The following GIMAP1 variants were observed in gnomAD, a reference collection of about 807,000 sequenced individuals.
GIMAP1 encodes GTPase IMAP family member 1.
For synonymous variants in GIMAP1, 230 were observed against 187.7 expected, an observed-to-expected ratio of 1.23 and a Z score of -1.84; for missense variants, 423 against 411.9, an observed-to-expected ratio of 1.03 and a Z score of -0.23.
intron 1 of GIMAP1, among the ~76,000 whole-genome samples, chr7:150,717,059 T>C (rs1797227152): frequency 6.6e-6 from 1 of 152,202 alleles, no homozygotes; most frequent in Admixed American, 6.5e-5. Context: ...AAGATATTTC[T>C]ATGGCCCCAT....
chr7:150,719,387 A>C, intron 2 of GIMAP1: 1 of 358,602 alleles, frequency 2.8e-6, no homozygotes, highest in Non-Finnish European at 5.0e-6. Context: ...AGTGAACATG[A>C]TTTGTGAGGT....
chr7:150,720,454 C>T lies in GIMAP1; in HGVS notation c.450C>T (p.Val150=). Residue 150 remains valine, a synonymous_variant, in exon 3 of 3, where the codon GTC becomes GTT. Transcript: ENST00000307194. This position sits in a 1 kb window ranked among gnomAD's most constrained non-coding sequence, Gnocchi z 4.5. ...ACGTCCTAAAATGGATGGTCATCGT[C>T]TTCACCAGGAAGGAGGACCTGGCCG... is the stretch of plus-strand genomic sequence containing the variant. ...GEDVLKWMVI[V]FTRKEDLAGG... The T allele has an allele frequency of 2.5e-6, 4 of 1,572,674 alleles. No homozygotes were observed. Among genetic ancestry groups the T allele is most frequent in the Non-Finnish European group, 3.5e-6 (4 of 1,158,226 alleles).
rs1000745605 is a variant in GIMAP1, at chr7:150,720,908, G to A, written c.904G>A (p.Glu302Lys). ...LHRRWSEAVA[E>K]VGPD ...CAGGCGGTGGTCGGAGGCCGTTGCG[G>A]AGGTCGGGCCTGACTGACAGCGCAG... Residue 302 changes from glutamate (E) to lysine (K), a missense_variant, in exon 3 of 3, where the codon GAG (glutamate) becomes AAG (lysine). Glu to Lys is a moderately conservative substitution (Grantham distance 56). Coordinates refer to ENST00000307194, the MANE Select transcript of GIMAP1 (RefSeq NM_130759.4). This position sits in a 1 kb window ranked among gnomAD's most constrained non-coding sequence, Gnocchi z 4.5. The A allele has an allele frequency of 6.3e-7, 1 of 1,579,172 alleles. No individual in the cohort carries two copies. Among genetic ancestry groups the A allele is most frequent in the Non-Finnish European group, 8.6e-7 (1 of 1,168,672 alleles).
chr7:150,719,245 G>A, intron 2 of GIMAP1, 155 bp downstream of exon 2: 1 of 863,830 alleles, frequency 1.2e-6, no homozygotes, highest in Non-Finnish European at 1.8e-6. Context: ...CTGCATTTTA[G>A]CTGGATCTCT....
In GIMAP1 at chr7:150,720,245, G is replaced by A. The variant is rs201983958; in HGVS notation, c.241G>A (p.Val81Met). 9.3e-6 allele frequency: 15 copies of A among 1,614,094 alleles called. No individual in the cohort carries two copies. The highest frequency in any genetic ancestry group is 1.0e-5 in the Non-Finnish European group (12 of 1,180,058). The change falls in exon 3 of 3, where the codon GTG (valine) becomes ATG (methionine). Residue 81 changes from valine (V) to methionine (M), a missense_variant. Coordinates refer to ENST00000307194, the MANE Select transcript of GIMAP1 (RefSeq NM_130759.4). The surrounding 1 kb of genome is among the most constrained non-coding windows in gnomAD (Gnocchi z 4.5). ...GTGGGACAAGTGCCACGTGGAAGTC[G>A]TGGACACTCCGGACATTTTCAGCTC... ...RRWDKCHVEV[V>M]DTPDIFSSQV... is the part of the protein sequence containing the mutation.
At chr7:150,718,004 G>A (rs1404258119) in intron 1 of GIMAP1, among the ~76,000 whole-genome samples, 1 of 152,104 alleles carries the variant, frequency 6.6e-6, no homozygotes, top group Non-Finnish European at 1.5e-5. Context: ...AAGTGACCAG[G>A]GTGCAAGACA....
At position 150,720,077 on chromosome 7, in the gene GIMAP1, G is replaced by C. The variant is rs1043834348; in HGVS notation, c.73G>C (p.Glu25Gln). 2 of 1,611,150 alleles carry C rather than the reference G, an allele frequency of 1.2e-6. No homozygotes were observed. The highest frequency in any genetic ancestry group is 2.7e-5 in the African/African-American group (2 of 75,038). Residue 25 changes from glutamate (E) to glutamine (Q), a missense_variant, in exon 3 of 3, where the codon GAG becomes CAG. Glu to Gln is a conservative substitution (Grantham distance 29, BLOSUM62 2). Transcript: ENST00000307194. This position sits in a 1 kb window ranked among gnomAD's most constrained non-coding sequence, Gnocchi z 4.5. The part of the protein sequence containing the change: ...GLEENAQSRQ[E>Q]STRRLILVGR... ...AGAAGAGAACGCTCAGTCCCGGCAG[G>C]AGTCCACGCGGAGGCTCATCCTTGT...
Position 150,721,027 on chromosome 7 carries a change from G to A in GIMAP1, c.*102G>A. 8.6e-7 allele frequency: 1 copy of A among 1,158,936 alleles called. No homozygotes were observed. Among genetic ancestry groups the A allele is most frequent in the Non-Finnish European group, 1.2e-6 (1 of 866,218 alleles). The allele number at this position is 1,158,936 out of a possible 1,614,324, so 71.8% of individuals were successfully genotyped here. A position where few individuals can be genotyped will look rare whatever the true frequency, so the allele number is the denominator to read the frequency against. On this transcript the variant is annotated 3_prime_UTR_variant, in exon 3 of 3. Coordinates refer to ENST00000307194, the MANE Select transcript of GIMAP1 (RefSeq NM_130759.4). ...CAACGGAAGGAATCCTGTAGTTTCA[G>A]GCATAGTTTTAATGACACAGAAAAC...
intron 1 of GIMAP1, among the ~76,000 whole-genome samples, chr7:150,718,565 A>T (rs754213384): frequency 1.3e-5 from 2 of 152,156 alleles, no homozygotes; most frequent in Non-Finnish European, 2.9e-5. Flanking sequence ...GAATCCCCTG[A>T]TATCTCTAGC....
At chr7:150,719,910 A>G (rs1165346016) in intron 2 of GIMAP1, 138 bp from the exon 3 acceptor site, 2 of 1,214,968 alleles carry the variant, frequency 1.6e-6, no homozygotes, top group Non-Finnish European at 2.3e-6. Context: ...CAACCCAAAT[A>G]CAAAAGGAAA....
rs774189459 is a variant in GIMAP1, at chr7:150,720,725, C to G, written c.721C>G (p.Arg241Gly). ...LRWAGPEERL[R>G]RVAERVAARV... ...CTGGGCAGGCCCTGAGGAGCGGCTC[C>G]GGCGGGTGGCGGAGCGCGTGGCAGC... Residue 241 changes from arginine to glycine, a missense_variant, in exon 3 of 3, where the codon CGG becomes GGG. By Grantham distance (125) the Arg-to-Gly change is moderately radical (BLOSUM62 -2). Transcript: ENST00000307194. This position sits in a 1 kb window ranked among gnomAD's most constrained non-coding sequence, Gnocchi z 4.5. 1 of 1,569,002 alleles carries G rather than the reference C, an allele frequency of 6.4e-7. No individual in the cohort carries two copies. Among genetic ancestry groups the G allele is most frequent in the Non-Finnish European group, 8.6e-7 (1 of 1,157,286 alleles).
At chr7:150,717,296 T>C (rs1405485571) in intron 1 of GIMAP1, among the ~76,000 whole-genome samples, 4 of 152,002 alleles carry the variant, frequency 2.6e-5, no homozygotes, top group African/African-American at 9.7e-5. Context: ...ATAAAGGGGG[T>C]TGCAAAAATG....
rs549321304 is a variant in GIMAP1 at position 150,720,598 on chromosome 7, A to C, written c.594A>C (p.Glu198Asp). ...FDNRATGREQEAQVEQLLGMV... is the reference protein window; with the variant it reads ...FDNRATGREQDAQVEQLLGMV... The stretch of plus-strand genomic sequence containing the variant: ...ACCGGGCCACCGGCCGGGAGCAGGA[A>C]GCCCAGGTGGAGCAGCTGCTGGGGA... The change falls in exon 3 of 3, where the codon GAA becomes GAC. Residue 198 changes from glutamate (E) to aspartate (D), a missense_variant. Coordinates refer to ENST00000307194, the MANE Select transcript of GIMAP1 (RefSeq NM_130759.4). The surrounding 1 kb of genome is among the most constrained non-coding windows in gnomAD (Gnocchi z 4.5). 6.2e-7 allele frequency: 1 copy of C among 1,613,810 alleles called. No individual in the cohort carries two copies. The highest frequency in any genetic ancestry group is 8.5e-7 in the Non-Finnish European group (1 of 1,179,828).
In GIMAP1 at chr7:150,720,052, A is replaced by T. The variant is rs1797272221; in HGVS notation, c.48A>T (p.Leu16Phe). ...TTATAACACTTGGTCTCACAGGTTT[A>T]GAAGAGAACGCTCAGTCCCGGCAGG... Reference protein sequence around the residue: ...MATDEENVYGLEENAQSRQES... With the variant: ...MATDEENVYGFEENAQSRQES... The change falls in exon 3 of 3, where the codon TTA (leucine) becomes TTT (phenylalanine). Residue 16 changes from leucine (L) to phenylalanine (F), a missense_variant. Transcript: ENST00000307194. This position sits in a 1 kb window ranked among gnomAD's most constrained non-coding sequence, Gnocchi z 4.5. The T allele has an allele frequency of 6.3e-7, 1 of 1,590,288 alleles. No homozygotes were observed. Among genetic ancestry groups the T allele is most frequent in the Non-Finnish European group, 8.6e-7 (1 of 1,166,820 alleles).
At position 150,723,706 on chromosome 7, in the gene GIMAP1, G is replaced by C. The variant is rs141706164; in HGVS notation, c.*2781G>C. ...TTAAATTACAGCATAAAACAGCACT[G>C]CCTCCTGTTGGAAAAACTTGCTTGC... On this transcript the variant is annotated 3_prime_UTR_variant, in exon 3 of 3. Transcript: ENST00000307194. 1 of 152,134 alleles carries C rather than the reference G, an allele frequency of 6.6e-6. No homozygotes were observed. Among genetic ancestry groups the C allele is most frequent in the Non-Finnish European group, 1.5e-5 (1 of 68,026 alleles). The allele number at this position is 152,134 out of a possible 1,614,324, so 9.4% of individuals were successfully genotyped here. A position where few individuals can be genotyped will look rare whatever the true frequency, so the allele number is the denominator to read the frequency against.
chr7:150,719,284 C>T lies in GIMAP1; in HGVS notation c.43+194C>T, dbSNP rs998283573. ...GTGAGAAGTTAAGTTCTGTGACTAG[C>T]CTGCTCCCTTGGTTCCACAGTATAA... On this transcript the variant is annotated intron_variant, in intron 2 of 2. Transcript: ENST00000307194. The T allele has an allele frequency of 3.6e-5, 23 of 638,998 alleles. No individual in the cohort carries two copies. In the African/African-American group the frequency reaches 4.0e-4, roughly 11 times the overall value. 39.6% of individuals were successfully genotyped at this position (638,998 alleles called of 1,614,324 possible). A position where few individuals can be genotyped will look rare whatever the true frequency, so the allele number is the denominator to read the frequency against.
chr7:150,719,969 A>T, intron 2 of GIMAP1, 79 bp from the exon 3 acceptor site: 1 of 1,488,436 alleles, frequency 6.7e-7, no homozygotes, highest in Admixed American at 2.3e-5. Context: ...TTAACCACTT[A>T]TGCTAAAGGC....
At chr7:150,717,959 A>T (rs1223353874) in intron 1 of GIMAP1, among the ~76,000 whole-genome samples, 1 of 152,116 alleles carries the variant, frequency 6.6e-6, no homozygotes, top group Non-Finnish European at 1.5e-5. Flanking sequence ...CCCCTCCTTC[A>T]TGTGTGGTGC....
intron 1 of GIMAP1, among the ~76,000 whole-genome samples, chr7:150,717,574 A>C (rs1246550125): frequency 6.6e-6 from 1 of 152,012 alleles, no homozygotes; most frequent in African/African-American, 2.4e-5. Flanking sequence ...AAAAAAAAAA[A>C]CTATTTAAAA....
Sources: gnomAD v4.1 joint callset for allele counts (sites outside exome capture counted in the v4.1 genomes callset) on GRCh38, gnomAD v4.1.1 for gene constraint, Gnocchi (gnomAD v3.1) non-coding constraint, MANE v1.5 for transcripts, NCBI Gene and HGNC (gene_info 2026-07-23, HGNC 2026-07-21) for gene names.